Variants in FBXL7 observed in about 807,000 individuals in gnomAD.
The protein encoded by FBXL7 is F-box/LRR-repeat protein 7.
FBXL7 carries 12 observed loss-of-function variants against 38.3 expected under a neutral mutation model. The observed-to-expected ratio is 0.31, with a 90% CI of 0.20 to 0.51. The LOEUF is 0.51. Ranked by LOEUF, FBXL7 falls within the 20% of genes least tolerant of loss-of-function variation. The probability of loss-of-function intolerance (pLI) is 0.98; values close to 1 mark genes in which losing one functional copy is unlikely to be tolerated. For missense variants in FBXL7, 567 were observed against 676.4 expected (o/e 0.84, Z 1.79); for synonymous variants, 297 against 300.9 (o/e 0.99, Z 0.13).
intron 1 of FBXL7, among the ~76,000 whole-genome samples, chr5:15,612,861 G>A (rs1740300129): frequency 6.6e-6 from 1 of 152,078 alleles, no homozygotes; most frequent in Non-Finnish European, 1.5e-5. Context: ...AGAGAACATT[G>A]GCTTTAGCAG....
At chr5:15,777,720 TAAAAAAAA>T (rs371293320) in intron 2 of FBXL7, among the ~76,000 whole-genome samples, 11,841 of 82,804 alleles carry the variant, frequency 0.14, 631 homozygotes, top group South Asian at 0.25. Flanking sequence ...CCTATTCTGG[TAAAAAAAA>T]AAAAAAAAAA....
intron 2 of FBXL7, among the ~76,000 whole-genome samples, chr5:15,646,948 T>C (rs984183186): frequency 6.6e-6 from 1 of 152,244 alleles, no homozygotes; most frequent in Non-Finnish European, 1.5e-5. Context: ...GTCCTCACTA[T>C]GTGTTGGCCC....
At chr5:15,935,629 G>A (rs1393268771) in intron 3 of FBXL7, among the ~76,000 whole-genome samples, 1 of 152,190 alleles carries the variant, frequency 6.6e-6, no homozygotes, top group Non-Finnish European at 1.5e-5. Flanking sequence ...GGGCAGGGAA[G>A]GGAGTCTTGT....
chr5:15,801,605 C>A (rs138902105), intron 2 of FBXL7, among the ~76,000 whole-genome samples: 18 of 150,842 alleles, frequency 1.2e-4, no homozygotes, highest in Non-Finnish European at 2.5e-4. Context: ...TCTCTTATGG[C>A]CTTATAGATA....
At chr5:15,770,163 G>C (rs1355631846) in intron 2 of FBXL7, among the ~76,000 whole-genome samples, 1 of 152,122 alleles carries the variant, frequency 6.6e-6, no homozygotes, top group African/African-American at 2.4e-5. Context: ...CAGGTGCCAG[G>C]CTGCAGCTAA....
chr5:15,556,664 CTTTATA>C (rs1580369286), intron 1 of FBXL7, among the ~76,000 whole-genome samples: 1 of 152,110 alleles, frequency 6.6e-6, no homozygotes, highest in Non-Finnish European at 1.5e-5. Flanking sequence ...AGAATTAATA[CTTTATA>C]TTTAATTCAA....
chr5:15,632,832 A>G (rs1741045170), intron 2 of FBXL7, among the ~76,000 whole-genome samples: 1 of 152,210 alleles, frequency 6.6e-6, no homozygotes, highest in Admixed American at 6.5e-5. Flanking sequence ...ACGGACATAA[A>G]GATGGGAACA....
intron 2 of FBXL7, among the ~76,000 whole-genome samples, chr5:15,647,531 A>G (rs1741570424): frequency 6.6e-6 from 1 of 152,204 alleles, no homozygotes; most frequent in South Asian, 2.1e-4. Context: ...GTGGAGTGCT[A>G]ATCCAGGACT....
intron 2 of FBXL7, among the ~76,000 whole-genome samples, chr5:15,786,622 G>A (rs1005112193): frequency 2.0e-5 from 3 of 152,166 alleles, no homozygotes; most frequent in Non-Finnish European, 2.9e-5. Context: ...GGTTTAACAT[G>A]AGTTTGATAT....
chr5:15,503,315 G>A (rs1024378146), intron 1 of FBXL7, among the ~76,000 whole-genome samples: 1 of 152,184 alleles, frequency 6.6e-6, no homozygotes, highest in African/African-American at 2.4e-5. Flanking sequence ...TACCTACCCA[G>A]AAAGCTGAGG....
intron 1 of FBXL7, among the ~76,000 whole-genome samples, chr5:15,552,783 GAT>G (rs1292752513): frequency 6.6e-6 from 1 of 152,084 alleles, no homozygotes; most frequent in Non-Finnish European, 1.5e-5. Flanking sequence ...GTACCATAAT[GAT>G]CAAAACAATC....
intron 1 of FBXL7, among the ~76,000 whole-genome samples, chr5:15,527,834 A>G (rs1220931010): frequency 6.6e-6 from 1 of 152,240 alleles, no homozygotes; most frequent in African/African-American, 2.4e-5. Flanking sequence ...TACTGCCTTA[A>G]CCGAACATAC....
At chr5:15,916,025 C>T (rs1373794396) in intron 2 of FBXL7, among the ~76,000 whole-genome samples, 4 of 152,106 alleles carry the variant, frequency 2.6e-5, no homozygotes, top group African/African-American at 7.2e-5. Context: ...ATGGTGATGC[C>T]ACTAATGATA....
At chr5:15,568,784 A>G (rs1407309360) in intron 1 of FBXL7, among the ~76,000 whole-genome samples, 1 of 152,078 alleles carries the variant, frequency 6.6e-6, no homozygotes, top group African/African-American at 2.4e-5. Context: ...TAAGGAAGGG[A>G]TCCAGTTTCA....
intron 2 of FBXL7, among the ~76,000 whole-genome samples, chr5:15,830,971 A>C (rs1480444844): frequency 6.6e-6 from 1 of 152,108 alleles, no homozygotes; most frequent in Non-Finnish European, 1.5e-5. Flanking sequence ...GGAGAGTCTC[A>C]AGCAGCAAGG....
intron 1 of FBXL7, among the ~76,000 whole-genome samples, chr5:15,531,798 C>T (rs1737439731): frequency 6.6e-6 from 1 of 152,198 alleles, no homozygotes; most frequent in African/African-American, 2.4e-5. Context: ...TGTACACTGC[C>T]ATTTTTCTCT....
intron 2 of FBXL7, among the ~76,000 whole-genome samples, chr5:15,818,160 T>C (rs1447479056): frequency 1.3e-5 from 2 of 151,962 alleles, no homozygotes; most frequent in African/African-American, 2.4e-5. Flanking sequence ...TGCGTGTTAT[T>C]TGTGAAGGAG....
intron 2 of FBXL7, among the ~76,000 whole-genome samples, chr5:15,783,341 A>C (rs59295191): frequency 0.024 from 3,603 of 152,282 alleles, 91 homozygotes; most frequent in East Asian, 0.068. Flanking sequence ...CCTGGAAATG[A>C]GAAGGTCCTG....
At chr5:15,737,646 A>G (rs1400669827) in intron 2 of FBXL7, among the ~76,000 whole-genome samples, 2 of 152,184 alleles carry the variant, frequency 1.3e-5, no homozygotes, top group Non-Finnish European at 2.9e-5. Flanking sequence ...TGCTTGAGAA[A>G]TACCCTGCGC....
Sources: gnomAD v4.1 joint callset for allele counts (sites outside exome capture counted in the v4.1 genomes callset) on GRCh38, gnomAD v4.1.1 for gene constraint, MANE v1.5 for transcripts, NCBI Gene and HGNC (gene_info 2026-07-23, HGNC 2026-07-21) for gene names.